The following TBC1D22B variants were observed in gnomAD, a reference collection of about 807,000 sequenced individuals.
TBC1D22B encodes the protein chromosome 6 open reading frame 197.
TBC1D22B carries 32 observed loss-of-function variants against 69.1 expected under a neutral mutation model. The observed-to-expected ratio is 0.46, with a 90% CI of 0.35 to 0.62. The LOEUF is 0.62. TBC1D22B is among the 20% of genes least tolerant of loss of function. TBC1D22B has a pLI of 0.00. For synonymous variants in TBC1D22B, 206 were observed against 229.8 expected (o/e 0.90, Z 0.94); for missense variants, 462 against 630.9 (o/e 0.73, Z 2.87).
chr6:37,326,631 A>G (rs1215242216), intron 12 of TBC1D22B, among the ~76,000 whole-genome samples: 1 of 151,824 alleles, frequency 6.6e-6, no homozygotes, highest in Non-Finnish European at 1.5e-5. Flanking sequence ...ACTAAAAATA[A>G]AAAACAATTA....
At chr6:37,313,385 T>G (rs1029586198) in intron 9 of TBC1D22B, among the ~76,000 whole-genome samples, 2 of 151,498 alleles carry the variant, frequency 1.3e-5, no homozygotes, top group Non-Finnish European at 2.9e-5. Flanking sequence ...AGGTCCTCAG[T>G]GGGCTAAGGT....
rs761518228 is a variant in TBC1D22B, at chr6:37,284,369, T to A, written c.706T>A (p.Leu236Met). 1 of 1,614,048 alleles carries A rather than the reference T, an allele frequency of 6.2e-7. No homozygotes were observed. Among genetic ancestry groups the A allele is most frequent in the Non-Finnish European group, 8.5e-7 (1 of 1,179,974 alleles). The change falls in exon 6 of 13, where the codon TTG becomes ATG. Residue 236 changes from leucine to methionine, a missense_variant. Transcript: ENST00000373491. ...YLPANTERRK[L>M]TLQRKREEYF... Reference sequence around the variant, plus strand: ...CCCAGCAAACACTGAGAGGAGGAAGTTGACCCTGCAGCGGAAGCGGGAGGA... The same window carrying A: ...CCCAGCAAACACTGAGAGGAGGAAGATGACCCTGCAGCGGAAGCGGGAGGA...
intron 2 of TBC1D22B, among the ~76,000 whole-genome samples, chr6:37,278,797 G>A (rs1010623242): frequency 3.9e-5 from 6 of 152,076 alleles, no homozygotes; most frequent in African/African-American, 1.2e-4. Flanking sequence ...GCCAGGCATC[G>A]TGGTGTACAC....
chr6:37,331,064 G>A lies in TBC1D22B; in HGVS notation c.1410G>A (p.Gln470=), dbSNP rs1768568680. The change falls in exon 13 of 13, where the codon CAG becomes CAA. Residue 470 remains glutamine (Q), a synonymous_variant. Transcript: ENST00000373491. ...EDFQGLLMLL[Q]NLPTIHWGNE... ...TCCAGGGTCTCCTCATGCTGCTACA[G>A]AACCTACCTACAATACACTGGGGCA... is the stretch of plus-strand genomic sequence containing the variant. The A allele has an allele frequency of 6.2e-7, 1 of 1,614,128 alleles. No homozygotes were observed. Among genetic ancestry groups the A allele is most frequent in the East Asian group, 2.2e-5 (1 of 44,886 alleles).
At chr6:37,328,426 T>C (rs892655604) in intron 12 of TBC1D22B, among the ~76,000 whole-genome samples, 8 of 152,230 alleles carry the variant, frequency 5.3e-5, no homozygotes, top group African/African-American at 1.9e-4. Flanking sequence ...CATAAAGATG[T>C]TCATTATAAT....
chr6:37,279,590 GC>G lies in TBC1D22B; in HGVS notation c.403del (p.Gln135SerfsTer11). On this transcript the variant is annotated frameshift_variant, in exon 3 of 13. Transcript: ENST00000373491. LOFTEE classifies it high-confidence loss of function. ...NYKVIKSSSD[A>X]QLSRNSSDTC... ...CAAGGTCATAAAGTCCAGCAGTGAT[GC>G]CCAGCTGTCCAGAAACTCTAGTAAG... 1.2e-6 allele frequency: 2 copies of G among 1,611,934 alleles called. No individual in the cohort carries two copies. The highest frequency in any genetic ancestry group is 1.7e-6 in the Non-Finnish European group (2 of 1,178,538).
At chr6:37,281,868 T>C (rs1003691775) in intron 3 of TBC1D22B, among the ~76,000 whole-genome samples, 1 of 152,226 alleles carries the variant, frequency 6.6e-6, no homozygotes, top group African/African-American at 2.4e-5. Context: ...CAAAAGTTGC[T>C]GCAGCATCTG....
intron 2 of TBC1D22B, among the ~76,000 whole-genome samples, chr6:37,276,565 A>G (rs2113731492): frequency 6.6e-6 from 1 of 152,284 alleles, no homozygotes; most frequent in Admixed American, 6.5e-5. Context: ...TCTATTGGCA[A>G]GTCTTCATTT....
intron 1 of TBC1D22B, among the ~76,000 whole-genome samples, chr6:37,266,485 G>A (rs533310660): frequency 2.7e-4 from 39 of 142,334 alleles, no homozygotes; most frequent in African/African-American, 8.4e-4. Flanking sequence ...TTTTTGAGAC[G>A]GAGTCTTGCT....
rs1353924314 is a variant in TBC1D22B at position 37,289,976 on chromosome 6, C to T, written c.868-1267C>T. ...GCTTTGTTCTCACTACCTATGAAGG[C>T]AGCAGTGTTGACAGTGAAAGAAACC... On this transcript the variant is annotated intron_variant, in intron 7 of 12. Coordinates refer to ENST00000373491, the MANE Select transcript of TBC1D22B (RefSeq NM_017772.4). Among the ~76,000 whole-genome samples the T allele has an allele frequency of 2.0e-5, 3 of 152,332 alleles. No homozygotes were observed. In the East Asian group the frequency reaches 5.8e-4, roughly 29 times the overall value.
chr6:37,291,277 G>A lies in TBC1D22B; in HGVS notation c.902G>A (p.Arg301His), dbSNP rs991496656. The A allele has an allele frequency of 8.1e-6, 13 of 1,613,648 alleles. No individual in the cohort carries two copies. The highest frequency in any genetic ancestry group is 1.3e-5 in the African/African-American group (1 of 74,872). ...FERILFIWAI[R>H]HPASGYVQGI... ...AGAATTCTATTTATTTGGGCCATCC[G>A]CCACCCTGCCAGTGGGTATGTCCAG... Residue 301 changes from arginine to histidine, a missense_variant, in exon 8 of 13, where the codon CGC becomes CAC. By Grantham distance (29) the Arg-to-His change is conservative. This residue lies in a region of TBC1D22B where 225 missense variants were observed against 375.4 expected (regional missense o/e 0.60). Coordinates refer to ENST00000373491, the MANE Select transcript of TBC1D22B (RefSeq NM_017772.4).
At chr6:37,326,175 A>G (rs1768397917) in intron 12 of TBC1D22B, among the ~76,000 whole-genome samples, 1 of 151,632 alleles carries the variant, frequency 6.6e-6, no homozygotes, top group Non-Finnish European at 1.5e-5. Context: ...AGGTCAAGAG[A>G]TCAAGACCAT....
intron 8 of TBC1D22B, among the ~76,000 whole-genome samples, chr6:37,312,569 A>G (rs981803945): frequency 6.6e-6 from 1 of 152,246 alleles, no homozygotes; most frequent in Non-Finnish European, 1.5e-5. Flanking sequence ...TTTCCAGGCC[A>G]TCTTCAGGGA....
intron 1 of TBC1D22B, among the ~76,000 whole-genome samples, chr6:37,268,193 C>G (rs563146255): frequency 6.6e-6 from 1 of 152,146 alleles, no homozygotes; most frequent in East Asian, 1.9e-4. Flanking sequence ...AATAGTTTGG[C>G]TTGATATATA....
intron 1 of TBC1D22B, among the ~76,000 whole-genome samples, chr6:37,264,133 G>C (rs1766196161): frequency 6.6e-6 from 1 of 151,716 alleles, no homozygotes; most frequent in Non-Finnish European, 1.5e-5. Context: ...GTCAAAATAA[G>C]TCATATTTAC....
At chr6:37,290,622 G>A (rs546045135) in intron 7 of TBC1D22B, among the ~76,000 whole-genome samples, 1 of 152,194 alleles carries the variant, frequency 6.6e-6, no homozygotes, top group African/African-American at 2.4e-5. Flanking sequence ...CCCAGCTATA[G>A]GAGTCCATAG....
chr6:37,267,451 T>A (rs1254960175), intron 1 of TBC1D22B, among the ~76,000 whole-genome samples: 1 of 142,500 alleles, frequency 7.0e-6, no homozygotes, highest in African/African-American at 2.6e-5. Flanking sequence ...ATATATAATA[T>A]ATATATACAC....
At chr6:37,327,738 G>A (rs6923752) in intron 12 of TBC1D22B, among the ~76,000 whole-genome samples, 8,596 of 151,998 alleles carry the variant, frequency 0.057, 559 homozygotes, top group African/African-American at 0.15. Flanking sequence ...GTGAATTTCC[G>A]TAATCATGTG....
chr6:37,320,445 A>G (rs1484713526), intron 12 of TBC1D22B, among the ~76,000 whole-genome samples: 1 of 152,228 alleles, frequency 6.6e-6, no homozygotes, highest in Non-Finnish European at 1.5e-5. Flanking sequence ...TACTTGATAT[A>G]TAGACCTCGA....
Sources: allele counts gnomAD v4.1 joint callset (sites outside exome capture counted in the v4.1 genomes callset), GRCh38; gene constraint gnomAD v4.1.1; regional missense constraint gnomAD v4.1.1; transcripts MANE v1.5; gene names NCBI Gene and HGNC (gene_info 2026-07-23, HGNC 2026-07-21).